NRG1: variants seen among roughly 807,000 people sequenced by gnomAD.
NRG1 encodes neuregulin 1.
NRG1 carries 18 observed loss-of-function variants against 63.8 expected under a neutral mutation model. The ratio of observed to expected loss-of-function variants is 0.28; its 90% CI spans 0.19 to 0.42. The LOEUF (loss-of-function observed/expected upper bound fraction) is 0.42, where lower values mean the gene tolerates loss of function less well. Among genes scored for constraint, NRG1 ranks in the 10% least tolerant of loss-of-function variants. The pLI is 1.00. For missense variants in NRG1, 762 were observed against 814.7 expected (o/e 0.94, Z 0.79); for synonymous variants, 302 against 301.3 (o/e 1.00, Z -0.02).
At chr8:31,709,323 C>A (rs545998229) in intron 1 of NRG1, among the ~76,000 whole-genome samples, 2 of 151,650 alleles carry the variant, frequency 1.3e-5, no homozygotes, top group South Asian at 4.1e-4. Flanking sequence ...TCTTGCTTTC[C>A]CTGGAATAAG....
chr8:31,776,529 C>A (rs745906825), intron 1 of NRG1, among the ~76,000 whole-genome samples: 45 of 152,162 alleles, frequency 3.0e-4, no homozygotes, highest in Non-Finnish European at 4.9e-4. Context: ...CCAGGCCCCA[C>A]TTCCCACTTT....
At chr8:32,370,113 C>A (rs1365457109) in intron 1 of NRG1, among the ~76,000 whole-genome samples, 6 of 152,128 alleles carry the variant, frequency 3.9e-5, no homozygotes, top group Non-Finnish European at 5.9e-5. Flanking sequence ...AAAAAGCCAG[C>A]TTTCTCTGGG....
chr8:32,596,076 C>A, intron 2 of NRG1, 71 bp downstream of exon 2: 1 of 1,182,280 alleles, frequency 8.5e-7, no homozygotes, highest in Non-Finnish European at 1.2e-6. Flanking sequence ...TATTTAGACC[C>A]TAATAAGTGA....
chr8:32,206,731 C>T (rs946127935), intron 1 of NRG1, among the ~76,000 whole-genome samples: 13 of 152,140 alleles, frequency 8.5e-5, no homozygotes, highest in African/African-American at 3.1e-4. Flanking sequence ...TTTGTGTAGC[C>T]ATCACCTGAA....
At chr8:32,239,163 T>A (rs948095924) in intron 1 of NRG1, among the ~76,000 whole-genome samples, 2 of 152,058 alleles carry the variant, frequency 1.3e-5, no homozygotes, top group East Asian at 1.9e-4. Flanking sequence ...TTATTTTTTT[T>A]TAAAAAGCTC....
intron 3 of NRG1, 139 bp downstream of exon 3, chr8:32,605,822 A>C: frequency 1.0e-6 from 1 of 974,584 alleles, no homozygotes; most frequent in Non-Finnish European, 1.5e-6. Flanking sequence ...AGATGTTTCA[A>C]GGATCTTGTA....
At chr8:32,156,270 T>A (rs995109379) in intron 1 of NRG1, among the ~76,000 whole-genome samples, 11 of 152,260 alleles carry the variant, frequency 7.2e-5, no homozygotes, top group Non-Finnish European at 1.3e-4. Flanking sequence ...TCTGGTTTTG[T>A]ACTGATGGTC....
intron 1 of NRG1, among the ~76,000 whole-genome samples, chr8:32,239,803 A>G (rs1847926223): frequency 6.6e-6 from 1 of 152,210 alleles, no homozygotes; most frequent in Non-Finnish European, 1.5e-5. Flanking sequence ...TAAGCACATG[A>G]AAAGATGTTC....
chr8:32,056,345 C>G (rs1050432031), intron 1 of NRG1, among the ~76,000 whole-genome samples: 1 of 152,174 alleles, frequency 6.6e-6, no homozygotes, highest in African/African-American at 2.4e-5. Context: ...CTGCTTTAGT[C>G]AAACAATACT....
chr8:32,153,407 T>C (rs1319844600), intron 1 of NRG1, among the ~76,000 whole-genome samples: 1 of 152,196 alleles, frequency 6.6e-6, no homozygotes, highest in Non-Finnish European at 1.5e-5. Context: ...AAATAGATGC[T>C]AAGTTGTCCC....
At chr8:31,976,449 C>T (rs373644209) in intron 1 of NRG1, among the ~76,000 whole-genome samples, 14 of 152,240 alleles carry the variant, frequency 9.2e-5, no homozygotes, top group South Asian at 2.1e-4. Flanking sequence ...CAGCCCATGA[C>T]GCTCACTACC....
intron 1 of NRG1, among the ~76,000 whole-genome samples, chr8:32,111,870 G>C (rs924335294): frequency 1.3e-5 from 2 of 152,094 alleles, no homozygotes; most frequent in African/African-American, 4.8e-5. Flanking sequence ...TATCTGTCTG[G>C]AATTGGTGTT....
At chr8:32,336,447 CAG>C (rs1457645079) in intron 1 of NRG1, among the ~76,000 whole-genome samples, 1 of 151,784 alleles carries the variant, frequency 6.6e-6, no homozygotes, top group Non-Finnish European at 1.5e-5. Flanking sequence ...GGAATCCAGG[CAG>C]AGAGAATCAA....
At chr8:32,585,637 G>C (rs1412381902) in intron 1 of NRG1, among the ~76,000 whole-genome samples, 1 of 152,210 alleles carries the variant, frequency 6.6e-6, no homozygotes, top group East Asian at 1.9e-4. Context: ...ATGACAGATA[G>C]ACAGCTGCAT....
intron 1 of NRG1, among the ~76,000 whole-genome samples, chr8:31,855,676 G>A (rs1280778762): frequency 2.0e-5 from 3 of 152,128 alleles, no homozygotes; most frequent in Non-Finnish European, 4.4e-5. Flanking sequence ...TGGTTATTTT[G>A]CTCCTTAGTT....
chr8:31,983,107 C>T (rs1809443538), intron 1 of NRG1, among the ~76,000 whole-genome samples: 1 of 152,010 alleles, frequency 6.6e-6, no homozygotes, highest in African/African-American at 2.4e-5. Context: ...CTATCAGCCC[C>T]CTGGAAAAAA....
At position 32,142,192 on chromosome 8, in the gene NRG1, C is replaced by T. The variant is rs572824305; in HGVS notation, c.38-453636C>T. 7.9e-4 allele frequency among the ~76,000 whole-genome samples: 120 copies of T among 152,294 alleles called. 2 individuals carry two copies. The highest frequency in any genetic ancestry group is 1.0e-4 in the Non-Finnish European group (7 of 68,014). ...AGAGGGATGGGTATCTGGTGGGTCTCTTCAGTCAGCTCATCTCAGCATGTT... is the reference window on the plus strand; with the variant it reads ...AGAGGGATGGGTATCTGGTGGGTCTTTTCAGTCAGCTCATCTCAGCATGTT... On this transcript the variant is annotated intron_variant, in intron 1 of 10. Coordinates refer to the NRG1 transcript ENST00000519301.
chr8:32,529,245 A>G (rs1009730447), intron 1 of NRG1, among the ~76,000 whole-genome samples: 1 of 152,226 alleles, frequency 6.6e-6, no homozygotes, highest in Admixed American at 6.5e-5. Context: ...AGAAAAATGC[A>G]GTATAGAAAA....
At chr8:31,866,998 G>A (rs1252105009) in intron 1 of NRG1, among the ~76,000 whole-genome samples, 1 of 152,138 alleles carries the variant, frequency 6.6e-6, no homozygotes, top group African/African-American at 2.4e-5. Flanking sequence ...ATTTTAGGAT[G>A]TCAAGTTTTA....
Sources: allele counts gnomAD v4.1 joint callset (sites outside exome capture counted in the v4.1 genomes callset), GRCh38; gene constraint gnomAD v4.1.1; transcripts MANE v1.5; gene names NCBI Gene and HGNC (gene_info 2026-07-23, HGNC 2026-07-21).